RREB1: variants seen among roughly 807,000 people sequenced by gnomAD.
RREB1 encodes the protein ras responsive element binding protein 1.
Under a neutral mutation model 117.8 loss-of-function variants are expected in RREB1, and 27 were observed. The ratio of observed to expected loss-of-function variants is 0.23; its 90% CI spans 0.17 to 0.32. RREB1 has a LOEUF of 0.32. RREB1 is among the 10% of genes least tolerant of loss of function. The pLI, the probability that RREB1 is intolerant of heterozygous loss-of-function variation, is 1.00. For synonymous variants in RREB1, 1,298 were observed against 1,026.7 expected (o/e 1.26, Z -5.05); for missense variants, 2,577 against 2,378.2 (o/e 1.08, Z -1.74).
intron 8 of RREB1, among the ~76,000 whole-genome samples, chr6:7,224,259 CTA>C (rs1193158247): frequency 6.6e-6 from 1 of 152,070 alleles, no homozygotes; most frequent in Non-Finnish European, 1.5e-5. Flanking sequence ...CCCAGATATC[CTA>C]TGTTTTATTT....
At chr6:7,226,382 G>A in intron 8 of RREB1, 85 bp from the exon 9 acceptor site, 1 of 975,274 alleles carries the variant, frequency 1.0e-6, no homozygotes, top group Non-Finnish European at 1.5e-6. Flanking sequence ...AAAAACTTAA[G>A]TCTGGAAGAG....
intron 1 of RREB1, among the ~76,000 whole-genome samples, chr6:7,175,481 A>T (rs1172999438): frequency 6.6e-6 from 1 of 152,118 alleles, no homozygotes; most frequent in Non-Finnish European, 1.5e-5. Flanking sequence ...TGTGGCATGG[A>T]TGGGCAGCTT....
At chr6:7,237,837 G>GT (rs1331906191) in intron 10 of RREB1, among the ~76,000 whole-genome samples, 1 of 152,190 alleles carries the variant, frequency 6.6e-6, no homozygotes, top group African/African-American at 2.4e-5. Flanking sequence ...AATGACTCAT[G>GT]TGAGTTGTTA....
intron 1 of RREB1, among the ~76,000 whole-genome samples, chr6:7,157,783 A>T (rs898502448): frequency 6.6e-6 from 1 of 151,544 alleles, no homozygotes; most frequent in African/African-American, 2.4e-5. Context: ...AAAAAATCCA[A>T]CTTACGAGTT....
intron 1 of RREB1, among the ~76,000 whole-genome samples, chr6:7,168,555 A>T (rs1396438117): frequency 6.6e-6 from 1 of 152,136 alleles, no homozygotes. Context: ...TCTGGCCTGT[A>T]TCCATCTGAG....
chr6:7,135,180 C>T (rs891546012), intron 1 of RREB1, among the ~76,000 whole-genome samples: 3 of 152,192 alleles, frequency 2.0e-5, no homozygotes, highest in Non-Finnish European at 4.4e-5. Flanking sequence ...ATACTTCACA[C>T]CTTGGTTTTT....
intron 6 of RREB1, among the ~76,000 whole-genome samples, chr6:7,196,521 A>AT (rs1162340469): frequency 6.6e-6 from 1 of 152,074 alleles, no homozygotes; most frequent in Non-Finnish European, 1.5e-5. Context: ...AGCATATTAA[A>AT]TTATGTGTAG....
At chr6:7,225,803 T>G (rs920419848) in intron 8 of RREB1, among the ~76,000 whole-genome samples, 1 of 152,100 alleles carries the variant, frequency 6.6e-6, no homozygotes, top group Admixed American at 6.6e-5. Context: ...TCACCGGTGT[T>G]CATCTGGAAG....
intron 1 of RREB1, among the ~76,000 whole-genome samples, chr6:7,142,150 G>A (rs540148602): frequency 2.6e-5 from 4 of 152,218 alleles, no homozygotes; most frequent in African/African-American, 9.6e-5. Context: ...GGGAGGTGGA[G>A]GTTGCAGTGA....
intron 6 of RREB1, among the ~76,000 whole-genome samples, chr6:7,201,445 T>C (rs1039477716): frequency 9.9e-5 from 15 of 152,172 alleles, no homozygotes; most frequent in African/African-American, 3.4e-4. Context: ...GCCCACTCAC[T>C]GTCAACCTTT....
chr6:7,148,665 T>C (rs1762982552), intron 1 of RREB1, among the ~76,000 whole-genome samples: 2 of 152,074 alleles, frequency 1.3e-5, no homozygotes, highest in Admixed American at 6.5e-5. Flanking sequence ...CATGCTATGC[T>C]TAAGGAAACA....
At chr6:7,118,929 G>A (rs1390204403) in intron 1 of RREB1, among the ~76,000 whole-genome samples, 5 of 149,484 alleles carry the variant, frequency 3.3e-5, no homozygotes, top group African/African-American at 7.4e-5. Context: ...GATTACAAGC[G>A]TGAGCCACTG....
rs891748015 is a variant in RREB1 at position 7,230,031 on chromosome 6, C to T, written c.1932C>T (p.Pro644=). Residue 644 remains proline (P), a synonymous_variant, in exon 10 of 13, where the codon CCC becomes CCT. Coordinates refer to ENST00000379938, the MANE Select transcript of RREB1 (RefSeq NM_001003699.4). ...KTPAMRKVLY[P]CRFCNQVFAF... Reference sequence around the variant, plus strand: ...CCGCCATGCGCAAGGTGCTCTACCCCTGCCGCTTCTGCAACCAGGTGTTTG... The same window carrying T: ...CCGCCATGCGCAAGGTGCTCTACCCTTGCCGCTTCTGCAACCAGGTGTTTG... 1.9e-6 allele frequency: 3 copies of T among 1,611,018 alleles called. No individual in the cohort carries two copies. Among genetic ancestry groups the T allele is most frequent in the Admixed American group, 1.7e-5 (1 of 59,882 alleles).
intron 1 of RREB1, among the ~76,000 whole-genome samples, chr6:7,126,263 G>A (rs1325460184): frequency 6.6e-6 from 1 of 152,016 alleles, no homozygotes. Flanking sequence ...GCCTCCCAAA[G>A]TGCTGGGATT....
intron 1 of RREB1, among the ~76,000 whole-genome samples, chr6:7,138,761 G>T (rs1457611818): frequency 1.3e-5 from 2 of 152,186 alleles, no homozygotes; most frequent in African/African-American, 4.8e-5. Flanking sequence ...ACATGAATAT[G>T]ATTGTTTCAT....
In RREB1 at chr6:7,236,733, G is replaced by GTT. The variant is rs200944003; in HGVS notation, c.3809-3691_3809-3690dup. ...AATGAACAGAAATGTTTTCAGTTCT[G>GTT]TTTTTTTTTTTTTTTATCTTGGAGG... On this transcript the variant is annotated intron_variant, in intron 10 of 12. Transcript: ENST00000379938. Among the ~76,000 whole-genome samples, 584 of 136,180 alleles carry GTT rather than the reference G, an allele frequency of 4.3e-3. 4 individuals are homozygous for GTT. Among genetic ancestry groups the GTT allele is most frequent in the African/African-American group, 0.015 (545 of 37,584 alleles). The allele number at this position is 136,180 out of a possible 152,430, so 89.3% of individuals were successfully genotyped here. A position where few individuals can be genotyped will look rare whatever the true frequency, so the allele number is the denominator to read the frequency against.
chr6:7,189,591 T>C (rs1765290485), intron 6 of RREB1, among the ~76,000 whole-genome samples: 1 of 152,154 alleles, frequency 6.6e-6, no homozygotes, highest in Non-Finnish European at 1.5e-5. Context: ...TTTGTTTGGG[T>C]GCTAGAAGTG....
Position 7,144,141 on chromosome 6 carries a change from A to T in RREB1, c.-284-32514A>T, listed in dbSNP as rs1046979273. Reference sequence around the variant, plus strand: ...AATTGGGTTGAAGTTAGAAAGTTTTATTATTTCCTAAGTCATTATATTTTT... The same window carrying T: ...AATTGGGTTGAAGTTAGAAAGTTTTTTTATTTCCTAAGTCATTATATTTTT... On this transcript the variant is annotated intron_variant, in intron 1 of 12. Coordinates refer to ENST00000379938, the MANE Select transcript of RREB1 (RefSeq NM_001003699.4). 3.9e-5 allele frequency among the ~76,000 whole-genome samples: 6 copies of T among 151,940 alleles called. No homozygotes were observed. In the South Asian group the frequency reaches 1.2e-3, roughly 31 times the overall value.
intron 8 of RREB1, among the ~76,000 whole-genome samples, chr6:7,222,752 A>G (rs756964461): frequency 2.6e-5 from 4 of 152,124 alleles, no homozygotes; most frequent in Non-Finnish European, 5.9e-5. Flanking sequence ...GCTTGAGCCC[A>G]AGAGTTCAAG....
Sources: allele counts gnomAD v4.1 joint callset (sites outside exome capture counted in the v4.1 genomes callset), GRCh38; gene constraint gnomAD v4.1.1; transcripts MANE v1.5; gene names NCBI Gene and HGNC (gene_info 2026-07-23, HGNC 2026-07-21).